The following DGAT2 variants were observed in gnomAD, a reference collection of about 807,000 sequenced individuals.
The protein encoded by DGAT2 is diacylglycerol O-acyltransferase 2.
Under a neutral mutation model 48.4 loss-of-function variants are expected in DGAT2, and 33 were observed. The observed-to-expected ratio is 0.68, with a 90% CI of 0.52 to 0.91. The LOEUF is 0.91. DGAT2 is among the 40% of genes least tolerant of loss of function. DGAT2 has a pLI of 0.00. For synonymous variants in DGAT2, 191 were observed against 194.1 expected (o/e 0.98, Z 0.13); for missense variants, 446 against 493.7 (o/e 0.90, Z 0.92).
At chr11:75,795,290 G>C (rs973948352) in intron 4 of DGAT2, 1 of 152,158 alleles carries the variant, frequency 6.6e-6, no homozygotes, top group Admixed American at 6.5e-5. Flanking sequence ...CTCCCAAAGT[G>C]TTGGGATAAC....
intron 4 of DGAT2, 27 bp downstream of exon 4, chr11:75,790,758 G>A: frequency 6.2e-7 from 1 of 1,613,300 alleles, no homozygotes; most frequent in Non-Finnish European, 8.5e-7. Context: ...GTTGTTTTGG[G>A]AGGGTGGGAA....
intron 1 of DGAT2, among the ~76,000 whole-genome samples, chr11:75,782,878 G>A (rs1338568153): frequency 3.3e-5 from 5 of 152,204 alleles, no homozygotes; most frequent in Non-Finnish European, 5.9e-5. Context: ...GTAGCCCTGG[G>A]CTAGTCAGTG....
intron 7 of DGAT2, among the ~76,000 whole-genome samples, chr11:75,799,328 C>T (rs1945087835): frequency 6.6e-6 from 1 of 152,072 alleles, no homozygotes; most frequent in South Asian, 2.1e-4. Flanking sequence ...TTCAGATTTG[C>T]ATTTAAAAAT....
rs377732452 is a variant in DGAT2, at chr11:75,789,685, T to C, written c.251-503T>C. On this transcript the variant is annotated intron_variant, in intron 2 of 7. Coordinates refer to ENST00000228027, the MANE Select transcript of DGAT2 (RefSeq NM_032564.5). The stretch of plus-strand genomic sequence containing the variant: ...TCTGCCACTGTCCTGCTGGGTGACC[T>C]TGGGCAAGTTATCTCCCCCTTGAGC... Among the ~76,000 whole-genome samples, 6 of 152,326 alleles carry C rather than the reference T, an allele frequency of 3.9e-5. No individual in the cohort carries two copies. The East Asian group carries it at 7.7e-4, about 20-fold the overall frequency.
rs1240993010 is a variant in DGAT2 at position 75,790,264 on chromosome 11, G to A, written c.327G>A (p.Trp109Ter). ...CWLIAVLYFT[W>*]LVFDWNTPKK... ...TCATCGCTGTGCTCTACTTCACTTG[G>A]CTGGTGTTTGACTGGAACACACCCA... is the stretch of plus-strand genomic sequence containing the variant. The change falls in exon 3 of 8, where the codon TGG (tryptophan) becomes TGA (stop). Residue 109 changes from tryptophan to a stop codon, truncating the protein, a stop_gained. Transcript: ENST00000228027. LOFTEE classifies it high-confidence loss of function. 6.2e-7 allele frequency: 1 copy of A among 1,614,126 alleles called. No individual in the cohort carries two copies. Among genetic ancestry groups the A allele is most frequent in the East Asian group, 2.2e-5 (1 of 44,876 alleles).
At chr11:75,786,447 A>G (rs1944923601) in intron 2 of DGAT2, among the ~76,000 whole-genome samples, 1 of 152,114 alleles carries the variant, frequency 6.6e-6, no homozygotes, top group South Asian at 2.1e-4. Flanking sequence ...CAAAGCTACC[A>G]CTATCCCTGT....
At chr11:75,772,742 C>T (rs943697062) in intron 1 of DGAT2, among the ~76,000 whole-genome samples, 1 of 152,218 alleles carries the variant, frequency 6.6e-6, no homozygotes, top group African/African-American at 2.4e-5. Context: ...AATCCCAGCA[C>T]TTTGGGAGGC....
At chr11:75,784,781 G>A in intron 2 of DGAT2, 35 bp downstream of exon 2, 1 of 1,613,208 alleles carries the variant, frequency 6.2e-7, no homozygotes, top group Non-Finnish European at 8.5e-7. Context: ...CAGGTGGGCA[G>A]GCAGTGTCCA....
Position 75,775,195 on chromosome 11 carries a change from C to T in DGAT2, c.121+6083C>T, listed in dbSNP as rs140469705. Among the ~76,000 whole-genome samples, 7 of 152,320 alleles carry T rather than the reference C, an allele frequency of 4.6e-5. No homozygotes were observed. The East Asian group carries it at 1.4e-3, about 29-fold the overall frequency. On this transcript the variant is annotated intron_variant, in intron 1 of 7. Coordinates refer to ENST00000228027, the MANE Select transcript of DGAT2 (RefSeq NM_032564.5). ...CACTCAGATTTCAACAAATCCACCC[C>T]AGCTTCCTAATTTAGTGCTAATGGG...
chr11:75,768,785 C>T lies in DGAT2; in HGVS notation c.-207C>T, dbSNP rs1016920512. The T allele has an allele frequency of 1.8e-5, 9 of 508,038 alleles. No individual in the cohort carries two copies. The highest frequency in any genetic ancestry group is 1.4e-4 in the African/African-American group (7 of 50,162). 31.5% of individuals were successfully genotyped at this position (508,038 alleles called of 1,614,324 possible). On this transcript the variant is annotated 5_prime_UTR_variant, in exon 1 of 8. Transcript: ENST00000228027. ...GCGCTCCGGGACGCCAGCGCCGCGG[C>T]TGCCGCCTCTGCTGGGGTCTAGGCT...
chr11:75,786,701 C>T (rs1167334717), intron 2 of DGAT2, among the ~76,000 whole-genome samples: 1 of 152,190 alleles, frequency 6.6e-6, no homozygotes, highest in Admixed American at 6.5e-5. Context: ...TAATTACTGC[C>T]CTCAGCAGCC....
At chr11:75,778,436 G>C (rs901865469) in intron 1 of DGAT2, among the ~76,000 whole-genome samples, 2 of 152,276 alleles carry the variant, frequency 1.3e-5, no homozygotes, top group Non-Finnish European at 2.9e-5. Context: ...AACTCTGCTT[G>C]CTCACTACAT....
chr11:75,789,591 CT>C (rs1179498914), intron 2 of DGAT2, among the ~76,000 whole-genome samples: 1 of 152,172 alleles, frequency 6.6e-6, no homozygotes, highest in Non-Finnish European at 1.5e-5. Context: ...TGGTCTGGGA[CT>C]TTGGTGAATT....
intron 1 of DGAT2, among the ~76,000 whole-genome samples, chr11:75,779,342 A>G (rs1944836553): frequency 6.6e-6 from 1 of 152,196 alleles, no homozygotes; most frequent in African/African-American, 2.4e-5. Context: ...CCAGCGCTCA[A>G]CAGCGTAGCA....
chr11:75,789,686 T>G (rs1259857798), intron 2 of DGAT2, among the ~76,000 whole-genome samples: 1 of 152,190 alleles, frequency 6.6e-6, no homozygotes, highest in Non-Finnish European at 1.5e-5. Context: ...TGGGTGACCT[T>G]GGGCAAGTTA....
In DGAT2 at chr11:75,781,759, G is replaced by A. The variant is rs138020705; in HGVS notation, c.122-2859G>A. On this transcript the variant is annotated intron_variant, in intron 1 of 7. Coordinates refer to ENST00000228027, the MANE Select transcript of DGAT2 (RefSeq NM_032564.5). The stretch of plus-strand genomic sequence containing the variant: ...AGCAGTGTGGGAAAAGCCTGAGCCT[G>A]CAGACCCACCTTGCTGCGGGACTTG... 9.8e-5 allele frequency among the ~76,000 whole-genome samples: 15 copies of A among 152,288 alleles called. No homozygotes were observed. The East Asian group carries it at 2.9e-3, about 29-fold the overall frequency.
intron 2 of DGAT2, among the ~76,000 whole-genome samples, chr11:75,787,741 G>C (rs531522292): frequency 8.5e-5 from 13 of 152,330 alleles, no homozygotes; most frequent in African/African-American, 3.1e-4. Flanking sequence ...TTTGGTTTCT[G>C]GGGCTGGAGA....
chr11:75,799,621 T>A (rs879274107), intron 7 of DGAT2, among the ~76,000 whole-genome samples: 43 of 151,908 alleles, frequency 2.8e-4, no homozygotes, highest in Non-Finnish European at 5.4e-4. Context: ...ATTTTTTTTT[T>A]TTTTATTTTT....
intron 1 of DGAT2, chr11:75,775,969 C>T (rs1042498699): frequency 2.6e-5 from 4 of 152,264 alleles, no homozygotes; most frequent in African/African-American, 9.7e-5. Context: ...AGAGGAGAAG[C>T]AGAGTCTAGA....
Sources: allele counts gnomAD v4.1 joint callset (sites outside exome capture counted in the v4.1 genomes callset), GRCh38; gene constraint gnomAD v4.1.1; transcripts MANE v1.5; gene names NCBI Gene and HGNC (gene_info 2026-07-23, HGNC 2026-07-21).